OR4N2: variants seen among roughly 807,000 people sequenced by gnomAD.
The protein encoded by OR4N2 is olfactory receptor family 4 subfamily N member 2, also known as olfactory receptor 4N2.
For synonymous variants in OR4N2, 141 were observed against 140.4 expected, an observed-to-expected ratio of 1.00 and a Z score of -0.03; for missense variants, 307 against 377.6, an observed-to-expected ratio of 0.81 and a Z score of 1.55.
chr14:19,806,834 A>G (rs1285143701), intron 1 of OR4N2, among the ~76,000 whole-genome samples: 2 of 152,178 alleles, frequency 1.3e-5, no homozygotes, highest in African/African-American at 4.8e-5. Flanking sequence ...AATGCATTCA[A>G]AAACACTGAA....
rs1012970340 is a variant in OR4N2, at chr14:19,827,731, A to G, written c.283A>G (p.Arg95Gly). 2.5e-6 allele frequency: 4 copies of G among 1,614,124 alleles called. No homozygotes were observed. The highest frequency in any genetic ancestry group is 2.5e-6 in the Non-Finnish European group (3 of 1,180,062). Reference protein sequence around the residue: ...FLSAKKIISYRGCITQLFFLH... With the variant: ...FLSAKKIISYGGCITQLFFLH... Reference sequence around the variant, plus strand: ...CTCTGCGAAGAAGATAATCTCCTACAGAGGCTGCATCACTCAGCTCTTTTT... The same window carrying G: ...CTCTGCGAAGAAGATAATCTCCTACGGAGGCTGCATCACTCAGCTCTTTTT... Residue 95 changes from arginine (R) to glycine (G), a missense_variant, in exon 2 of 2, where the codon AGA becomes GGA. Arg to Gly is a moderately radical substitution (Grantham distance 125). Transcript: ENST00000557677.
At chr14:19,807,087 AATAAG>A (rs1419579187) in intron 1 of OR4N2, among the ~76,000 whole-genome samples, 3 of 142,680 alleles carry the variant, frequency 2.1e-5, no homozygotes, top group Non-Finnish European at 4.7e-5. Context: ...TAAATAAGTA[AATAAG>A]ATAAGAGGAA....
chr14:19,806,811 G>T (rs11844643), intron 1 of OR4N2, among the ~76,000 whole-genome samples: 2 of 151,912 alleles, frequency 1.3e-5, no homozygotes, highest in African/African-American at 2.4e-5. Flanking sequence ...TGCTTGATCA[G>T]AAAGCAAGTC....
intron 1 of OR4N2, among the ~76,000 whole-genome samples, chr14:19,804,950 C>T (rs1879126824): frequency 6.6e-6 from 1 of 152,124 alleles, no homozygotes. Flanking sequence ...CATGTAATAC[C>T]CTTCTTTGTC....
At chr14:19,818,923 T>G (rs1416206061) in intron 1 of OR4N2, among the ~76,000 whole-genome samples, 1 of 152,266 alleles carries the variant, frequency 6.6e-6, no homozygotes, top group Non-Finnish European at 1.5e-5. Flanking sequence ...AAGGATTTTC[T>G]TTCTCCTTCG....
chr14:19,817,278 C>A (rs1011221945), intron 1 of OR4N2, among the ~76,000 whole-genome samples: 2 of 152,208 alleles, frequency 1.3e-5, no homozygotes, highest in Non-Finnish European at 2.9e-5. Context: ...ACCAGCTCCT[C>A]TTTGTACCTC....
At chr14:19,815,725 G>A (rs1437150829) in intron 1 of OR4N2, among the ~76,000 whole-genome samples, 1 of 144,062 alleles carries the variant, frequency 6.9e-6, no homozygotes, top group African/African-American at 2.6e-5. Context: ...TGTCAATTTT[G>A]GATTTTGTTG....
chr14:19,813,870 T>C (rs1879362296), intron 1 of OR4N2, among the ~76,000 whole-genome samples: 1 of 143,344 alleles, frequency 7.0e-6, no homozygotes, highest in Admixed American at 7.0e-5. Context: ...CATACAACTA[T>C]CTTTCCATTT....
chr14:19,824,976 A>G (rs1879655304), intron 1 of OR4N2, among the ~76,000 whole-genome samples: 1 of 152,266 alleles, frequency 6.6e-6, no homozygotes, highest in Non-Finnish European at 1.5e-5. Flanking sequence ...TCAAGCGTCG[A>G]CTGTAGAAGG....
intron 1 of OR4N2, among the ~76,000 whole-genome samples, chr14:19,822,640 C>G (rs1879595727): frequency 6.6e-6 from 1 of 152,216 alleles, no homozygotes; most frequent in African/African-American, 2.4e-5. Flanking sequence ...TACCATTATC[C>G]CAGGGGTTAC....
intron 1 of OR4N2, among the ~76,000 whole-genome samples, chr14:19,804,943 G>A (rs1270082216): frequency 1.3e-5 from 2 of 152,210 alleles, no homozygotes; most frequent in African/African-American, 2.4e-5. Flanking sequence ...TTACCTTCAT[G>A]TAATACCCTT....
At chr14:19,815,505 C>A (rs1411385773) in intron 1 of OR4N2, among the ~76,000 whole-genome samples, 1 of 152,150 alleles carries the variant, frequency 6.6e-6, no homozygotes, top group African/African-American at 2.4e-5. Flanking sequence ...CCTTTGCTCA[C>A]TTTTTGATGG....
chr14:19,813,888 T>C (rs1376951322), intron 1 of OR4N2, among the ~76,000 whole-genome samples: 2 of 148,162 alleles, frequency 1.3e-5, no homozygotes, highest in Non-Finnish European at 2.9e-5. Flanking sequence ...TTTATGTCTC[T>C]GCTAGTCTTC....
At chr14:19,808,097 A>G (rs1334577395) in intron 1 of OR4N2, among the ~76,000 whole-genome samples, 2 of 152,178 alleles carry the variant, frequency 1.3e-5, no homozygotes, top group East Asian at 1.9e-4. Context: ...AAATAATAAC[A>G]GCCATCTATG....
chr14:19,816,634 C>A (rs1219691615), intron 1 of OR4N2, among the ~76,000 whole-genome samples: 2 of 152,242 alleles, frequency 1.3e-5, no homozygotes, highest in Non-Finnish European at 2.9e-5. Context: ...ATCATGTCAT[C>A]TGCAAACTTT....
chr14:19,819,355 C>T (rs1172502077), intron 1 of OR4N2, among the ~76,000 whole-genome samples: 1 of 152,236 alleles, frequency 6.6e-6, no homozygotes, highest in Admixed American at 6.5e-5. Context: ...TTCACATAGT[C>T]CCATATTTCT....
At chr14:19,809,702 C>T (rs1436769240) in intron 1 of OR4N2, among the ~76,000 whole-genome samples, 2 of 152,306 alleles carry the variant, frequency 1.3e-5, no homozygotes, top group African/African-American at 2.4e-5. Context: ...TGCTGCACAC[C>T]TATAACTATC....
intron 1 of OR4N2, among the ~76,000 whole-genome samples, chr14:19,814,806 T>G (rs1194890753): frequency 2.6e-5 from 4 of 152,246 alleles, no homozygotes; most frequent in Non-Finnish European, 5.9e-5. Context: ...TTTCTCCTAA[T>G]GCTATCCTTC....
intron 1 of OR4N2, among the ~76,000 whole-genome samples, chr14:19,826,040 T>C (rs1230779746): frequency 6.6e-6 from 1 of 152,270 alleles, no homozygotes; most frequent in Non-Finnish European, 1.5e-5. Context: ...AAAGTATATA[T>C]AAACCATTGT....
Sources: gnomAD v4.1 joint callset for allele counts (sites outside exome capture counted in the v4.1 genomes callset) on GRCh38, gnomAD v4.1.1 for gene constraint, MANE v1.5 for transcripts, NCBI Gene and HGNC (gene_info 2026-07-23, HGNC 2026-07-21) for gene names.